CHIC1: variants seen among roughly 807,000 people sequenced by gnomAD.
CHIC1 encodes cysteine rich hydrophobic domain 1.
In CHIC1, 7 loss-of-function variants were observed where a neutral mutation model predicts 18.5. The observed-to-expected ratio is 0.38, with a 90% CI of 0.22 to 0.71. The LOEUF (loss-of-function observed/expected upper bound fraction) is 0.71. Among genes scored for constraint, CHIC1 ranks in the 30% least tolerant of loss-of-function variants. CHIC1 has a pLI of 0.49. For missense variants in CHIC1, 159 were observed against 176.9 expected, an observed-to-expected ratio of 0.90 and a Z score of 0.57; for synonymous variants, 77 against 73.5, an observed-to-expected ratio of 1.05 and a Z score of -0.25.
rs1197847266 is a variant in CHIC1, at chrX:73,685,492, C to G, written c.*4487C>G. ...TCAAATTCCATACCCTCAAAAAGAT[C>G]TGTTGGAACAAATTGATAAAATTAG... On this transcript the variant is annotated 3_prime_UTR_variant, in exon 6 of 6. Coordinates refer to ENST00000373502, the MANE Select transcript of CHIC1 (RefSeq NM_001039840.4). 2 of 111,580 alleles carry G rather than the reference C, an allele frequency of 1.8e-5. No homozygotes were observed. The highest frequency in any genetic ancestry group is 3.8e-5 in the Non-Finnish European group (2 of 53,001). 9.2% of individuals were successfully genotyped at this position (111,580 alleles called of 1,213,427 possible).
chrX:73,580,550 T>A (rs1465780024), intron 2 of CHIC1, among the ~76,000 whole-genome samples: 1 of 110,933 alleles, frequency 9.0e-6, no homozygotes, highest in African/African-American at 3.3e-5. Context: ...ATAATTTTTC[T>A]CCGACAGGCA....
intron 3 of CHIC1, among the ~76,000 whole-genome samples, chrX:73,657,732 A>C (rs1478082468): frequency 8.9e-6 from 1 of 112,084 alleles, no homozygotes; most frequent in Non-Finnish European, 1.9e-5. Flanking sequence ...TTGCTCATTC[A>C]GTATGATATT....
chrX:73,656,600 C>A (rs2057950374), intron 3 of CHIC1, among the ~76,000 whole-genome samples: 1 of 111,607 alleles, frequency 9.0e-6, no homozygotes, highest in Non-Finnish European at 1.9e-5. Flanking sequence ...TGTCAAACAT[C>A]AGTTGGTTGT....
chrX:73,622,600 G>A (rs1310843415), intron 3 of CHIC1, among the ~76,000 whole-genome samples: 2 of 110,538 alleles, frequency 1.8e-5, no homozygotes, highest in East Asian at 2.8e-4. Context: ...GTTCTGGCTA[G>A]CAGTCTAACT....
intron 3 of CHIC1, among the ~76,000 whole-genome samples, chrX:73,638,789 G>T (rs1055820551): frequency 3.6e-5 from 4 of 111,374 alleles, no homozygotes; most frequent in Non-Finnish European, 7.6e-5. Flanking sequence ...ATTGGGTTTT[G>T]TATTCCTGTG....
rs2058100357 is a variant in CHIC1 at position 73,681,796 on chromosome X, T to G, written c.*791T>G. The G allele has an allele frequency of 8.9e-6, 1 of 112,476 alleles. No homozygotes were observed. Among genetic ancestry groups the G allele is most frequent in the South Asian group, 3.6e-4 (1 of 2,793 alleles). The allele number at this position is 112,476 out of a possible 1,213,427, so 9.3% of individuals were successfully genotyped here. On this transcript the variant is annotated 3_prime_UTR_variant, in exon 6 of 6. Transcript: ENST00000373502. ...CCCTTTGTAACAAGTGGACTAAAATTGAAATTATTATCTCAGATATTCTGT... is the reference window on the plus strand; with the variant it reads ...CCCTTTGTAACAAGTGGACTAAAATGGAAATTATTATCTCAGATATTCTGT...
In CHIC1 at chrX:73,642,130, C is replaced by A. The variant is rs144780612; in HGVS notation, c.508-37196C>A. ...CAAGGATCGAACTAGTTTACAATCCCACCAACAGTGTAAAAGTGTTCCTAT... is the reference window on the plus strand; with the variant it reads ...CAAGGATCGAACTAGTTTACAATCCAACCAACAGTGTAAAAGTGTTCCTAT... On this transcript the variant is annotated intron_variant, in intron 3 of 5. Transcript: ENST00000373502. Among the ~76,000 whole-genome samples the A allele has an allele frequency of 6.4e-3, 719 of 111,820 alleles. 8 individuals carry two copies. The highest frequency in any genetic ancestry group is 0.022 in the African/African-American group (675 of 30,719).
chrX:73,621,475 C>T (rs1004564460), intron 3 of CHIC1, among the ~76,000 whole-genome samples: 5 of 111,524 alleles, frequency 4.5e-5, no homozygotes, highest in African/African-American at 1.3e-4. Context: ...AATGGGAGTT[C>T]GCTCATGATT....
At chrX:73,650,503 C>T (rs1325032004) in intron 3 of CHIC1, among the ~76,000 whole-genome samples, 1 of 110,224 alleles carries the variant, frequency 9.1e-6, no homozygotes, top group African/African-American at 3.3e-5. Context: ...GGGATATCAC[C>T]ACTGACCGCA....
chrX:73,592,721 T>C, intron 3 of CHIC1, among the ~76,000 whole-genome samples: 1 of 110,396 alleles, frequency 9.1e-6, no homozygotes, highest in Non-Finnish European at 1.9e-5. Flanking sequence ...CTTCATAGGA[T>C]GAATTAAGGA....
chrX:73,596,014 A>T (rs938130101), intron 3 of CHIC1, among the ~76,000 whole-genome samples: 6 of 110,851 alleles, frequency 5.4e-5, no homozygotes, highest in Admixed American at 1.9e-4. Flanking sequence ...CCACTTTTTG[A>T]TGGGGTTGCT....
At chrX:73,651,234 A>G (rs186396923) in intron 3 of CHIC1, among the ~76,000 whole-genome samples, 260 of 111,868 alleles carry the variant, frequency 2.3e-3, no homozygotes, top group African/African-American at 8.1e-3. Flanking sequence ...TAACATTCAC[A>G]TTCTTCACAG....
intron 3 of CHIC1, among the ~76,000 whole-genome samples, chrX:73,626,248 G>A (rs1397622142): frequency 9.0e-6 from 1 of 111,652 alleles, no homozygotes; most frequent in Non-Finnish European, 1.9e-5. Flanking sequence ...TTACCTTTGG[G>A]AGTATGATTA....
In CHIC1 at chrX:73,686,607, T is replaced by C. The variant is rs2058123304; in HGVS notation, c.*5602T>C. On this transcript the variant is annotated 3_prime_UTR_variant, in exon 6 of 6. Transcript: ENST00000373502. ...TCCATTTTTTCTAGTACGCAAATAGTGTAAAATTGTTTTAATGCCTGGACT... is the reference window on the plus strand; with the variant it reads ...TCCATTTTTTCTAGTACGCAAATAGCGTAAAATTGTTTTAATGCCTGGACT... 1 of 111,658 alleles carries C rather than the reference T, an allele frequency of 9.0e-6. No homozygotes were observed. The highest frequency in any genetic ancestry group is 1.9e-5 in the Non-Finnish European group (1 of 52,982). 9.2% of individuals were successfully genotyped at this position (111,658 alleles called of 1,213,427 possible).
intron 3 of CHIC1, among the ~76,000 whole-genome samples, chrX:73,671,580 G>A (rs919765817): frequency 2.7e-5 from 3 of 110,765 alleles, no homozygotes; most frequent in African/African-American, 6.6e-5. Flanking sequence ...TATCTTTAAC[G>A]TCATTCATTG....
At chrX:73,599,285 C>T (rs1470902563) in intron 3 of CHIC1, among the ~76,000 whole-genome samples, 1 of 104,406 alleles carries the variant, frequency 9.6e-6, no homozygotes, top group African/African-American at 3.8e-5. Context: ...TGTAGGTTAC[C>T]TGTTCACTCT....
intron 3 of CHIC1, among the ~76,000 whole-genome samples, chrX:73,587,851 G>T (rs1449373919): frequency 1.8e-5 from 2 of 111,576 alleles, no homozygotes; most frequent in Non-Finnish European, 3.8e-5. Flanking sequence ...GTCATAGACT[G>T]CCTTTTCCTT....
intron 3 of CHIC1, among the ~76,000 whole-genome samples, chrX:73,599,715 A>G (rs1215769811): frequency 9.4e-6 from 1 of 106,189 alleles, no homozygotes; most frequent in Non-Finnish European, 1.9e-5. Context: ...TACCAGTACC[A>G]TGCTGTTTTG....
intron 3 of CHIC1, among the ~76,000 whole-genome samples, chrX:73,657,209 G>A (rs898463620): frequency 9.2e-5 from 10 of 109,181 alleles, no homozygotes; most frequent in South Asian, 4.0e-4. Flanking sequence ...ACAGGTGCCC[G>A]CCACCATGCC....
Sources: gnomAD v4.1 joint callset for allele counts (sites outside exome capture counted in the v4.1 genomes callset) on GRCh38, gnomAD v4.1.1 for gene constraint, MANE v1.5 for transcripts, NCBI Gene and HGNC (gene_info 2026-07-23, HGNC 2026-07-21) for gene names.